ADGRV1: variants seen among roughly 807,000 people sequenced by gnomAD.
ADGRV1 encodes G-protein coupled receptor 98.
Under a neutral mutation model 596.2 loss-of-function variants are expected in ADGRV1, and 359 were observed. That is an observed-to-expected ratio of 0.60 (90% confidence interval 0.55 to 0.66). ADGRV1 has a LOEUF of 0.66. Among genes scored for constraint, ADGRV1 ranks in the 30% least tolerant of loss-of-function variants. ADGRV1 has a pLI of 0.00. For synonymous variants in ADGRV1, 2,681 were observed against 2,679.2 expected (o/e 1.00, Z -0.02); for missense variants, 7,274 against 7,575.6 (o/e 0.96, Z 1.48).
At chr5:90,753,904 A>C in intron 54 of ADGRV1, 75 bp downstream of exon 54, 1 of 1,357,930 alleles carries the variant, frequency 7.4e-7, no homozygotes, top group Non-Finnish European at 9.8e-7. Flanking sequence ...ATTTATAAGG[A>C]ATGTAAATTT....
At chr5:90,729,870 A>G (rs868006172) in intron 50 of ADGRV1, 106 bp downstream of exon 50, 1 of 807,216 alleles carries the variant, frequency 1.2e-6, no homozygotes, top group Admixed American at 3.1e-5. Flanking sequence ...GACACTGGGT[A>G]TTTTTTTTTT....
At chr5:90,584,942 A>G (rs2151982114) in intron 1 of ADGRV1, among the ~76,000 whole-genome samples, 1 of 152,320 alleles carries the variant, frequency 6.6e-6, no homozygotes, top group East Asian at 1.9e-4. Flanking sequence ...TTTGCTATTA[A>G]TTAAAATAAT....
intron 75 of ADGRV1, among the ~76,000 whole-genome samples, chr5:90,821,745 C>G (rs1049658130): frequency 0.022 from 3,276 of 150,876 alleles, 133 homozygotes; most frequent in African/African-American, 0.076. Flanking sequence ...AGGGGTCAGG[C>G]ACCCACTTGA....
At position 91,084,905 on chromosome 5, in the gene ADGRV1, A is replaced by G. The variant is rs1354161256; in HGVS notation, c.18310+12301A>G. ...CATGGAATACTATGCAGACATAAAA[A>G]AGGATGAGTTCATGTCCTTTGTGGG... is the stretch of plus-strand genomic sequence containing the variant. On this transcript the variant is annotated intron_variant, in intron 86 of 89. Coordinates refer to ENST00000405460, the MANE Select transcript of ADGRV1 (RefSeq NM_032119.4). Among the ~76,000 whole-genome samples, 8 of 152,362 alleles carry G rather than the reference A, an allele frequency of 5.3e-5. No individual in the cohort carries two copies. In the South Asian group the frequency reaches 1.4e-3, roughly 28 times the overall value.
intron 83 of ADGRV1, among the ~76,000 whole-genome samples, chr5:90,900,106 T>C (rs550024358): frequency 1.3e-5 from 2 of 152,318 alleles, no homozygotes; most frequent in African/African-American, 4.8e-5. Flanking sequence ...ATTTACAATT[T>C]TGGTAAAGTT....
In ADGRV1 at chr5:90,653,356, A is replaced by G. The variant is rs760855491; in HGVS notation, c.3782A>G (p.Asp1261Gly). Residue 1261 changes from aspartate (D) to glycine (G), a missense_variant, in exon 20 of 90, where the codon GAT becomes GGT. By Grantham distance (94) the Asp-to-Gly change is moderately conservative. Coordinates refer to ENST00000405460, the MANE Select transcript of ADGRV1 (RefSeq NM_032119.4). ...GTGGCAGAAGATGTCCTGTCTGAAG[A>G]TGATATGTCTTATATTACCAACTTC... Reference protein sequence around the residue: ...REVAEDVLSEDDMSYITNFTI... With the variant: ...REVAEDVLSEGDMSYITNFTI... 6.2e-6 allele frequency: 10 copies of G among 1,613,910 alleles called. No homozygotes were observed. Among genetic ancestry groups the G allele is most frequent in the Non-Finnish European group, 8.5e-6 (10 of 1,179,856 alleles).
intron 83 of ADGRV1, among the ~76,000 whole-genome samples, chr5:90,904,572 G>A (rs1227776912): frequency 2.0e-5 from 3 of 151,784 alleles, no homozygotes; most frequent in Non-Finnish European, 4.4e-5. Context: ...TTTGAGATAT[G>A]CCTATTCAGA....
At chr5:91,040,909 G>T (rs77486635) in intron 85 of ADGRV1, among the ~76,000 whole-genome samples, 2,301 of 152,202 alleles carry the variant, frequency 0.015, 49 homozygotes, top group African/African-American at 0.051. Context: ...TAGAATTTAG[G>T]TTCAGTAAAG....
At position 90,763,323 on chromosome 5, in the gene ADGRV1, C is replaced by G; in HGVS notation, c.12139C>G (p.Leu4047Val). ...EEKTVMIDES[L>V]SSDDPDSYVT... ...CTTTCAGGTAATGATTGATGAATCC[C>G]TTTCATCCGATGACCCTGATTCATA... The change falls in exon 59 of 90, where the codon CTT becomes GTT. Residue 4047 changes from leucine (L) to valine (V), a missense_variant. Physicochemically the swap from Leu to Val is conservative, Grantham distance 32. Transcript: ENST00000405460. 6.3e-7 allele frequency: 1 copy of G among 1,584,606 alleles called. No individual in the cohort carries two copies. The highest frequency in any genetic ancestry group is 8.6e-7 in the Non-Finnish European group (1 of 1,160,096).
intron 85 of ADGRV1, 111 bp from the exon 86 acceptor site, chr5:91,072,336 G>A: frequency 1.0e-6 from 1 of 963,130 alleles, no homozygotes; most frequent in Non-Finnish European, 1.6e-6. Context: ...ATCTGATGTT[G>A]CCAGCATCTG....
intron 89 of ADGRV1, among the ~76,000 whole-genome samples, chr5:91,154,282 A>G (rs1255619109): frequency 1.3e-5 from 2 of 152,226 alleles, no homozygotes; most frequent in Non-Finnish European, 2.9e-5. Flanking sequence ...TGCCCAGTTG[A>G]AGTTATTGAA....
chr5:90,786,920 G>T (rs1383997201), intron 67 of ADGRV1, among the ~76,000 whole-genome samples: 1 of 152,166 alleles, frequency 6.6e-6, no homozygotes, highest in Non-Finnish European at 1.5e-5. Context: ...GGCTGCAGAT[G>T]CAGGTCTGGA....
At chr5:90,604,668 T>A (rs1761849710) in intron 1 of ADGRV1, among the ~76,000 whole-genome samples, 1 of 152,190 alleles carries the variant, frequency 6.6e-6, no homozygotes, top group African/African-American at 2.4e-5. Flanking sequence ...ATTTTTTTTT[T>A]AGACAGACGG....
intron 87 of ADGRV1, among the ~76,000 whole-genome samples, chr5:91,119,677 C>T (rs1793141341): frequency 6.6e-6 from 1 of 152,224 alleles, no homozygotes; most frequent in Non-Finnish European, 1.5e-5. Flanking sequence ...TATTTATCAA[C>T]TTTGTAGCCA....
rs41311333 is a variant in ADGRV1, at chr5:90,619,108, T to G, written c.380T>G (p.Leu127Arg). ...TAGAAACCTTCAGCAAATGTGAAGC[T>G]TGGATGGCCAAGGACTGTTACTGTG... is the stretch of plus-strand genomic sequence containing the variant. ...TLQKPSANVK[L>R]GWPRTVTVTI... The change falls in exon 4 of 90, where the codon CTT (leucine) becomes CGT (arginine). Residue 127 changes from leucine to arginine, a missense_variant. Physicochemically the swap from Leu to Arg is moderately radical, Grantham distance 102. Coordinates refer to ENST00000405460, the MANE Select transcript of ADGRV1 (RefSeq NM_032119.4). 0.04 allele frequency: 59,013 copies of G among 1,468,956 alleles called. 1,421 individuals are homozygous for G. Among genetic ancestry groups the G allele is most frequent in the Non-Finnish European group, 0.047 (52,200 of 1,100,106 alleles). 91.0% of individuals were successfully genotyped at this position (1,468,956 alleles called of 1,614,324 possible). A position where few individuals can be genotyped will look rare whatever the true frequency, so the allele number is the denominator to read the frequency against.
chr5:90,942,804 G>A (rs1364840917), intron 83 of ADGRV1, among the ~76,000 whole-genome samples: 1 of 152,154 alleles, frequency 6.6e-6, no homozygotes, highest in Non-Finnish European at 1.5e-5. Flanking sequence ...CCCATTTTGA[G>A]GCAGATTTTA....
intron 33 of ADGRV1, among the ~76,000 whole-genome samples, chr5:90,694,929 T>A (rs1746994568): frequency 6.6e-6 from 1 of 152,186 alleles, no homozygotes; most frequent in Admixed American, 6.6e-5. Context: ...AAAATAGATT[T>A]TCCGGGAATA....
At chr5:91,094,036 G>C (rs1482927683) in intron 86 of ADGRV1, among the ~76,000 whole-genome samples, 1 of 151,862 alleles carries the variant, frequency 6.6e-6, no homozygotes, top group African/African-American at 2.4e-5. Flanking sequence ...ATTTTTAGTA[G>C]AGATGGGGTT....
At chr5:90,992,024 C>T (rs775680451) in intron 85 of ADGRV1, among the ~76,000 whole-genome samples, 6 of 152,362 alleles carry the variant, frequency 3.9e-5, no homozygotes, top group South Asian at 4.1e-4. Context: ...CACATGCACA[C>T]GCATACAGAA....
Sources: allele counts gnomAD v4.1 joint callset (sites outside exome capture counted in the v4.1 genomes callset), GRCh38; gene constraint gnomAD v4.1.1; transcripts MANE v1.5; gene names NCBI Gene and HGNC (gene_info 2026-07-23, HGNC 2026-07-21).